DPP7: variants seen among roughly 807,000 people sequenced by gnomAD.
The protein encoded by DPP7 is dipeptidyl peptidase 2.
In DPP7, 74 loss-of-function variants were observed where a neutral mutation model predicts 58.8. That is an observed-to-expected ratio of 1.26 (90% CI 1.04 to 1.53). The LOEUF (loss-of-function observed/expected upper bound fraction) is 1.53. Among genes scored for constraint, DPP7 ranks in the 40% most tolerant of loss-of-function variants. The pLI, the probability that DPP7 is intolerant of heterozygous loss-of-function variation, is 0.00. For missense variants in DPP7, 807 were observed against 692.3 expected, an observed-to-expected ratio of 1.17 and a Z score of -1.86; for synonymous variants, 350 against 303.6, an observed-to-expected ratio of 1.15 and a Z score of -1.59.
rs759768087 is a variant in DPP7 at position 137,111,788 on chromosome 9, C to T, written c.1208-34G>A. On this transcript the variant is annotated intron_variant, in intron 10 of 12. Transcript: ENST00000371579. ...GGCAGAGAAAGTTGTGATGTGGGCC[C>T]CTCACGGGGGCTGTGAGCCATGGGC... The T allele has an allele frequency of 8.7e-6, 14 of 1,613,514 alleles. No homozygotes were observed. In the East Asian group the frequency reaches 3.1e-4, roughly 36 times the overall value.
At chr9:137,114,769 G>C (rs554950120), upstream of DPP7, 32 of 1,218,128 alleles carry the variant, frequency 2.6e-5, no homozygotes, top group Middle Eastern at 3.2e-4. Context: ...GCCAGGGCGC[G>C]CTCCTCCCTC....
At chr9:137,111,149 G>A (rs563099499) in intron 11 of DPP7, among the ~76,000 whole-genome samples, 199 bp from the exon 12 acceptor site, 3 of 152,292 alleles carry the variant, frequency 2.0e-5, no homozygotes, top group Admixed American at 2.0e-4. Context: ...GCAGGGAAGG[G>A]GCAGGTGTGA....
chr9:137,111,126 G>C (rs564184990), intron 11 of DPP7, among the ~76,000 whole-genome samples, 176 bp from the exon 12 acceptor site: 24 of 152,320 alleles, frequency 1.6e-4, no homozygotes, highest in African/African-American at 5.1e-4. Context: ...GGGCAAAACC[G>C]GGTGAGACAG....
intron 11 of DPP7, 33 bp from the exon 12 acceptor site, chr9:137,110,983 G>A: frequency 6.2e-7 from 1 of 1,607,268 alleles, no homozygotes. Flanking sequence ...CATCAGGTGA[G>A]GAACGAGGCA....
chr9:137,114,455 G>T lies in DPP7; in HGVS notation c.181+8C>A, dbSNP rs1285428057. ...GCGGGGGCGGCCGGGCCGGGGCCGGGGTCTCACCCGACACCAGGAAGCGCT... is the reference window on the plus strand; with the variant it reads ...GCGGGGGCGGCCGGGCCGGGGCCGGTGTCTCACCCGACACCAGGAAGCGCT... On this transcript the variant is annotated splice_region_variant and intron_variant, in intron 2 of 12. Transcript: ENST00000371579. 7 of 1,561,820 alleles carry T rather than the reference G, an allele frequency of 4.5e-6. No individual in the cohort carries two copies. Among genetic ancestry groups the T allele is most frequent in the Admixed American group, 1.9e-5 (1 of 53,606 alleles).
At chr9:137,115,828 C>T (rs1831621159), upstream of DPP7, among the ~76,000 whole-genome samples, 2 of 152,170 alleles carry the variant, frequency 1.3e-5, no homozygotes, top group South Asian at 4.1e-4. Context: ...CACATCTGGG[C>T]CCTGTCCCAT....
chr9:137,115,870 G>GC (rs535952033), upstream of DPP7, among the ~76,000 whole-genome samples: 121 of 152,306 alleles, frequency 7.9e-4, 1 homozygote, highest in African/African-American at 2.9e-3. Context: ...GCCTGCCGGG[G>GC]CCCCCGCAGG....
Position 137,112,564 on chromosome 9 carries a change from C to G in DPP7, c.931+181G>C, listed in dbSNP as rs988125587. 2.6e-5 allele frequency: 21 copies of G among 792,610 alleles called. No homozygotes were observed. The African/African-American group carries it at 3.7e-4, about 14-fold the overall frequency. 49.1% of individuals were successfully genotyped at this position (792,610 alleles called of 1,614,324 possible). A position where few individuals can be genotyped will look rare whatever the true frequency, so the allele number is the denominator to read the frequency against. On this transcript the variant is annotated intron_variant, in intron 8 of 12. Transcript: ENST00000371579. ...CTACAGCCAGTGCTGAGAGGGTCCC[C>G]AGGGACGGCCCCTGCCTCCCCCAGG...
At chr9:137,117,845 T>G (rs1332931660), upstream of DPP7, among the ~76,000 whole-genome samples, 1 of 152,168 alleles carries the variant, frequency 6.6e-6, no homozygotes, top group Non-Finnish European at 1.5e-5. Flanking sequence ...CCGTCATCAC[T>G]ATTTTCCACT....
intron 11 of DPP7, 133 bp downstream of exon 11, chr9:137,111,557 G>A: frequency 1.0e-6 from 1 of 952,876 alleles, no homozygotes; most frequent in Non-Finnish European, 1.6e-6. Flanking sequence ...TGGGAGGCTT[G>A]AGCCTCAGAG....
Position 137,110,664 on chromosome 9 carries a change from G to T in DPP7, c.1463C>A (p.Pro488His). ...REQQPALRGG[P>H]RLSL is the part of the protein sequence containing the mutation. The stretch of plus-strand genomic sequence containing the variant: ...GTCCTGTGCTCAGAGGCTGAGTCTG[G>T]GCCCCCCACGCAGAGCTGGCTGCTG... Residue 488 changes from proline (P) to histidine (H), a missense_variant, in exon 13 of 13, where the codon CCC becomes CAC. Transcript: ENST00000371579. 1.2e-6 allele frequency: 2 copies of T among 1,609,248 alleles called. No homozygotes were observed.
At position 137,113,214 on chromosome 9, in the gene DPP7, AG is replaced by A. The variant is rs745423675; in HGVS notation, c.694del (p.Leu232TyrfsTer24). On this transcript the variant is annotated frameshift_variant, in exon 6 of 13. Transcript: ENST00000371579. LOFTEE classifies it high-confidence loss of function. ...CGGTGGGAGGACCTCACCTCCCTGT[AG>A]GAACAAGTCCTTGATCTGTCGGAAC... ...EAFRQIKDLF[L>X]QGAYDTVRWE... The A allele has an allele frequency of 6.2e-7, 1 of 1,613,654 alleles. No individual in the cohort carries two copies. Among genetic ancestry groups the A allele is most frequent in the Non-Finnish European group, 8.5e-7 (1 of 1,179,932 alleles).
Position 137,114,726 on chromosome 9 carries a change from G to C in DPP7, c.-13C>G, listed in dbSNP as rs1209362449. 23 of 1,275,416 alleles carry C rather than the reference G, an allele frequency of 1.8e-5. No homozygotes were observed. In the African/African-American group the frequency reaches 2.6e-4, roughly 15 times the overall value. 79.0% of individuals were successfully genotyped at this position (1,275,416 alleles called of 1,614,324 possible). A position where few individuals can be genotyped will look rare whatever the true frequency, so the allele number is the denominator to read the frequency against. ...GAGCGGAGCCCATGTCGCCTTCCGC[G>C]GGCGCCCGTCACGTGGGCGGGGTCA... On this transcript the variant is annotated 5_prime_UTR_variant, in exon 1 of 13. Transcript: ENST00000371579.
In DPP7 at chr9:137,113,036, G is replaced by T; in HGVS notation, c.787C>A (p.Arg263=). 1 of 1,613,836 alleles carries T rather than the reference G, an allele frequency of 6.2e-7. No individual in the cohort carries two copies. Among genetic ancestry groups the T allele is most frequent in the Middle Eastern group, 1.6e-4 (1 of 6,062 alleles). The change falls in exon 7 of 13, where the codon CGG becomes AGG. Residue 263 remains arginine, a synonymous_variant. Transcript: ENST00000371579. Reference sequence around the variant, plus strand: ...ATGGCCAGCACGGTGAAGGCATTCCGGGCGAACATGAAGAGCTGGGTCAGG... The same window carrying T: ...ATGGCCAGCACGGTGAAGGCATTCCTGGCGAACATGAAGAGCTGGGTCAGG... ...KDLTQLFMFA[R]NAFTVLAMMD...
rs1350883418 is a variant in DPP7, at chr9:137,111,059, A to G, written c.1273-109T>C. The G allele has an allele frequency of 6.4e-6, 7 of 1,100,898 alleles. No individual in the cohort carries two copies. The East Asian group carries it at 1.0e-4, about 16-fold the overall frequency. 68.2% of individuals were successfully genotyped at this position (1,100,898 alleles called of 1,614,324 possible). On this transcript the variant is annotated intron_variant, in intron 11 of 12. Coordinates refer to ENST00000371579, the MANE Select transcript of DPP7 (RefSeq NM_013379.3). The stretch of plus-strand genomic sequence containing the variant: ...GAGGGCGAGCCGAGACTCAGTGCCC[A>G]TCAAGCAACCAGAGAGAACCAGCCA...
Position 137,112,018 on chromosome 9 carries a change from C to A in DPP7, c.1062G>T (p.Glu354Asp). The A allele has an allele frequency of 6.2e-7, 1 of 1,613,654 alleles. No homozygotes were observed. Among genetic ancestry groups the A allele is most frequent in the Non-Finnish European group, 8.5e-7 (1 of 1,179,838 alleles). ...ARAWDYQACT[E>D]INLTFASNNV... Reference sequence around the variant, plus strand: ...TGTTGCTGGCGAAGGTCAGGTTGATCTCGGTGCAGGCCTGCAGGTGCCCCA... The same window carrying A: ...TGTTGCTGGCGAAGGTCAGGTTGATATCGGTGCAGGCCTGCAGGTGCCCCA... Residue 354 changes from glutamate (E) to aspartate (D), a missense_variant, in exon 10 of 13, where the codon GAG becomes GAT. Physicochemically the swap from Glu to Asp is conservative, Grantham distance 45 (BLOSUM62 2). Around this residue, in one of 3 missense-constraint regions of DPP7, gnomAD observed 624 missense variants for 531.2 expected, o/e 1.17. Coordinates refer to ENST00000371579, the MANE Select transcript of DPP7 (RefSeq NM_013379.3).
rs751815780 is a variant in DPP7, at chr9:137,112,214, G to C, written c.948C>G (p.Ala316=). ...TGTCGTAGCAGTGCTCGGAGCCCGA[G>C]GCGTTGTAGACCAGCCCTGGGGAGG... The part of the protein sequence containing the change: ...LRALAGLVYN[A]SGSEHCYDIY... Residue 316 remains alanine (A), a synonymous_variant, in exon 9 of 13, where the codon GCC becomes GCG. Coordinates refer to ENST00000371579, the MANE Select transcript of DPP7 (RefSeq NM_013379.3). 5 of 1,601,212 alleles carry C rather than the reference G, an allele frequency of 3.1e-6. No individual in the cohort carries two copies. Among genetic ancestry groups the C allele is most frequent in the Non-Finnish European group, 3.4e-6 (4 of 1,179,268 alleles).
chr9:137,115,986 C>A (rs1009734836), upstream of DPP7, among the ~76,000 whole-genome samples: 2 of 152,152 alleles, frequency 1.3e-5, no homozygotes, highest in Admixed American at 1.3e-4. Flanking sequence ...CCTTAGGTGG[C>A]CAGAACTCCA....
Position 137,114,487 on chromosome 9 carries a change from A to G in DPP7, c.157T>C (p.Phe53Leu). 1 of 1,579,866 alleles carries G rather than the reference A, an allele frequency of 6.3e-7. No homozygotes were observed. Among genetic ancestry groups the G allele is most frequent in the East Asian group, 2.3e-5 (1 of 43,132 alleles). ...CCCGACACCAGGAAGCGCTGAGGGA[A>G]GGTCTTGTTGCCGAAGCGCTCGAAG... Reference protein sequence around the residue: ...FNFERFGNKTFPQRFLVSDRF... With the variant: ...FNFERFGNKTLPQRFLVSDRF... Residue 53 changes from phenylalanine (F) to leucine (L), a missense_variant, in exon 2 of 13, where the codon TTC becomes CTC. Phe to Leu is a conservative substitution (Grantham distance 22). Around this residue, in one of 3 missense-constraint regions of DPP7, gnomAD observed 168 missense variants for 124.1 expected, o/e 1.35. Transcript: ENST00000371579.
Sources: gnomAD v4.1 joint callset for allele counts (sites outside exome capture counted in the v4.1 genomes callset) on GRCh38, gnomAD v4.1.1 for gene constraint, gnomAD v4.1.1 regional missense constraint, MANE v1.5 for transcripts, NCBI Gene and HGNC (gene_info 2026-07-23, HGNC 2026-07-21) for gene names.